ARHGAP18: variants seen among roughly 807,000 people sequenced by gnomAD.
ARHGAP18 encodes Rho GTPase activating protein 18.
ARHGAP18 carries 67 observed loss-of-function variants against 86.2 expected under a neutral mutation model. That is an observed-to-expected ratio of 0.78 (90% CI 0.64 to 0.95). ARHGAP18 has a LOEUF of 0.95. Ranked by LOEUF, ARHGAP18 falls within the 40% of genes least tolerant of loss-of-function variation. The pLI is 0.00. For missense variants in ARHGAP18, 691 were observed against 780.4 expected (o/e 0.89, Z 1.37); for synonymous variants, 283 against 280.4 (o/e 1.01, Z -0.09).
At chr6:129,662,225 C>T (rs182488615) in intron 1 of ARHGAP18, among the ~76,000 whole-genome samples, 36 of 152,320 alleles carry the variant, frequency 2.4e-4, no homozygotes, top group Non-Finnish European at 5.0e-4. Flanking sequence ...GGGAGGATAG[C>T]GCACATGAAT....
At chr6:129,622,044 A>T (rs1336006899) in intron 5 of ARHGAP18, among the ~76,000 whole-genome samples, 1 of 152,150 alleles carries the variant, frequency 6.6e-6, no homozygotes, top group Non-Finnish European at 1.5e-5. Context: ...CAAGGAGAGG[A>T]GCCACTTCTT....
intron 1 of ARHGAP18, among the ~76,000 whole-genome samples, chr6:129,661,458 T>C (rs1045509807): frequency 2.0e-5 from 3 of 151,512 alleles, no homozygotes; most frequent in Non-Finnish European, 4.4e-5. Context: ...TTCATTCTAC[T>C]TTACTGTTTC....
chr6:129,581,011 C>G (rs1292478930), intron 13 of ARHGAP18, among the ~76,000 whole-genome samples: 1 of 152,150 alleles, frequency 6.6e-6, no homozygotes, highest in Non-Finnish European at 1.5e-5. Context: ...GCTAAAAATT[C>G]AGATGGAGAG....
chr6:129,611,117 G>A (rs1420481335), intron 8 of ARHGAP18, among the ~76,000 whole-genome samples: 2 of 151,840 alleles, frequency 1.3e-5, no homozygotes, highest in Non-Finnish European at 2.9e-5. Context: ...GCCCAAGGTG[G>A]TCTTGAATTC....
intron 1 of ARHGAP18, among the ~76,000 whole-genome samples, chr6:129,658,727 CAAG>C (rs1773891159): frequency 6.6e-6 from 1 of 152,178 alleles, no homozygotes; most frequent in Non-Finnish European, 1.5e-5. Context: ...CAGTAAGAAT[CAAG>C]AGAATCATCT....
intron 12 of ARHGAP18, among the ~76,000 whole-genome samples, chr6:129,590,687 T>C (rs951469292): frequency 3.3e-5 from 5 of 152,206 alleles, no homozygotes; most frequent in African/African-American, 1.2e-4. Context: ...GGAATATCAA[T>C]ATCCTTGGAA....
At chr6:129,629,730 T>C (rs1007411744) in intron 4 of ARHGAP18, among the ~76,000 whole-genome samples, 4 of 152,254 alleles carry the variant, frequency 2.6e-5, no homozygotes, top group Middle Eastern at 3.4e-3. Flanking sequence ...TGACTAGCAA[T>C]CCATAGTTCA....
intron 8 of ARHGAP18, among the ~76,000 whole-genome samples, chr6:129,610,978 C>T (rs530418878): frequency 1.3e-5 from 2 of 152,246 alleles, no homozygotes; most frequent in South Asian, 2.1e-4. Context: ...CTCACTGCCA[C>T]ATGGGACTCC....
chr6:129,616,317 A>G lies in ARHGAP18; in HGVS notation c.953-14T>C. ...AAAGACCAGAATCTGCAAGAAAAAA[A>G]ATGAAATTTCCTCACTTTTGTCAAT... On this transcript the variant is annotated splice_polypyrimidine_tract_variant and intron_variant, in intron 6 of 14. Coordinates refer to ENST00000368149, the MANE Select transcript of ARHGAP18 (RefSeq NM_033515.3). 1 of 1,599,722 alleles carries G rather than the reference A, an allele frequency of 6.3e-7. No individual in the cohort carries two copies. Among genetic ancestry groups the G allele is most frequent in the Non-Finnish European group, 8.5e-7 (1 of 1,172,112 alleles).
intron 3 of ARHGAP18, among the ~76,000 whole-genome samples, chr6:129,637,007 CTTAT>C (rs998082853): frequency 6.6e-6 from 1 of 152,190 alleles, no homozygotes; most frequent in Non-Finnish European, 1.5e-5. Flanking sequence ...CACCAACTGG[CTTAT>C]TTGAGTAGCA....
intron 3 of ARHGAP18, among the ~76,000 whole-genome samples, chr6:129,634,370 AC>A (rs1192235316): frequency 6.6e-6 from 1 of 152,206 alleles, no homozygotes; most frequent in Non-Finnish European, 1.5e-5. Context: ...CAAGAATGCT[AC>A]TATGGAGGGG....
Position 129,576,457 on chromosome 6 carries a change from T to C in ARHGAP18, c.*2056A>G, listed in dbSNP as rs1269686695. The C allele has an allele frequency of 6.6e-6, 1 of 152,234 alleles. No individual in the cohort carries two copies. The highest frequency in any genetic ancestry group is 1.5e-5 in the Non-Finnish European group (1 of 68,040). 9.4% of individuals were successfully genotyped at this position (152,234 alleles called of 1,614,324 possible). On this transcript the variant is annotated 3_prime_UTR_variant, in exon 15 of 15. Transcript: ENST00000368149. ...ATCTGGAAAACAGAGCAAGACCCTGTCTCTAAAAAATTTGAGATTTTTTAA... is the reference window on the plus strand; with the variant it reads ...ATCTGGAAAACAGAGCAAGACCCTGCCTCTAAAAAATTTGAGATTTTTTAA...
intron 6 of ARHGAP18, among the ~76,000 whole-genome samples, chr6:129,617,032 C>T (rs1789113024): frequency 6.6e-6 from 1 of 152,124 alleles, no homozygotes; most frequent in African/African-American, 2.4e-5. Context: ...CAGCAAAATA[C>T]AAATATTTGC....
intron 3 of ARHGAP18, among the ~76,000 whole-genome samples, chr6:129,635,012 G>A (rs978687383): frequency 5.9e-5 from 9 of 152,064 alleles, no homozygotes; most frequent in Admixed American, 3.3e-4. Flanking sequence ...CCCAAGGAAC[G>A]GGGCCTTCCA....
chr6:129,629,339 A>C lies in ARHGAP18; in HGVS notation c.786+14T>G, dbSNP rs1315935974. On this transcript the variant is annotated intron_variant, in intron 5 of 14. Transcript: ENST00000368149. Reference sequence around the variant, plus strand: ...TGTACATATATGTATATTTATAAAGAGTGTACTACGTACAGGTAATGTGGC... The same window carrying C: ...TGTACATATATGTATATTTATAAAGCGTGTACTACGTACAGGTAATGTGGC... 28 of 1,608,772 alleles carry C rather than the reference A, an allele frequency of 1.7e-5. No individual in the cohort carries two copies. The highest frequency in any genetic ancestry group is 2.4e-5 in the Non-Finnish European group (28 of 1,176,918).
intron 10 of ARHGAP18, among the ~76,000 whole-genome samples, chr6:129,605,346 G>T (rs1377377751): frequency 6.6e-6 from 1 of 152,048 alleles, no homozygotes; most frequent in African/African-American, 2.4e-5. Flanking sequence ...AACCCTTAGA[G>T]AAATAATTAG....
intron 13 of ARHGAP18, among the ~76,000 whole-genome samples, chr6:129,580,875 C>T (rs1299098658): frequency 6.7e-6 from 1 of 149,406 alleles, no homozygotes; most frequent in Non-Finnish European, 1.5e-5. Flanking sequence ...ATCCTGTCTC[C>T]AAAAAGAAAA....
intron 7 of ARHGAP18, among the ~76,000 whole-genome samples, chr6:129,612,869 T>A (rs2114463222): frequency 6.6e-6 from 1 of 152,284 alleles, no homozygotes; most frequent in East Asian, 1.9e-4. Context: ...CTCAAAATTC[T>A]CCTAAGGATT....
At chr6:129,657,831 G>A (rs147688205) in intron 1 of ARHGAP18, among the ~76,000 whole-genome samples, 23 of 152,270 alleles carry the variant, frequency 1.5e-4, no homozygotes, top group Middle Eastern at 3.4e-3. Context: ...TGCAATAAGC[G>A]ATGGAGTATG....
Sources: allele counts gnomAD v4.1 joint callset (sites outside exome capture counted in the v4.1 genomes callset), GRCh38; gene constraint gnomAD v4.1.1; transcripts MANE v1.5; gene names NCBI Gene and HGNC (gene_info 2026-07-23, HGNC 2026-07-21).